The following PDE4D variants were observed in gnomAD, a reference collection of about 807,000 sequenced individuals.
PDE4D encodes the protein 3',5'-cyclic-AMP phosphodiesterase 4D.
A neutral mutation model predicts 87.4 loss-of-function variants in PDE4D; 24 were observed. That is an observed-to-expected ratio of 0.27 (90% CI 0.20 to 0.39). The LOEUF is 0.39. PDE4D is among the 10% of genes least tolerant of loss of function. The pLI is 1.00. For synonymous variants in PDE4D, 384 were observed against 383.2 expected, an observed-to-expected ratio of 1.00 and a Z score of -0.02; for missense variants, 714 against 1,041.0, an observed-to-expected ratio of 0.69 and a Z score of 4.32.
At chr5:60,154,211 T>A (rs957891814) in intron 2 of PDE4D, among the ~76,000 whole-genome samples, 8 of 152,236 alleles carry the variant, frequency 5.3e-5, no homozygotes, top group African/African-American at 1.9e-4. Context: ...TGCATTTATA[T>A]GTATCACATG....
At chr5:59,944,436 C>T (rs1757518369) in intron 3 of PDE4D, among the ~76,000 whole-genome samples, 1 of 151,998 alleles carries the variant, frequency 6.6e-6, no homozygotes, top group African/African-American at 2.4e-5. Flanking sequence ...GCAGTGGCGC[C>T]ATCTCGGCTA....
At chr5:59,499,928 G>A (rs1329732589) in intron 1 of PDE4D, among the ~76,000 whole-genome samples, 1 of 150,546 alleles carries the variant, frequency 6.6e-6, no homozygotes, top group African/African-American at 2.4e-5. Context: ...TTCAAAACCA[G>A]TATCTTTCTG....
intron 6 of PDE4D, among the ~76,000 whole-genome samples, chr5:59,011,495 G>A (rs1005101281): frequency 2.0e-5 from 3 of 152,320 alleles, no homozygotes; most frequent in Non-Finnish European, 4.4e-5. Flanking sequence ...ACTACATGAT[G>A]CATTCACAAG....
chr5:59,950,075 C>G (rs769305316), intron 3 of PDE4D, among the ~76,000 whole-genome samples: 5 of 152,176 alleles, frequency 3.3e-5, no homozygotes, highest in East Asian at 1.9e-4. Flanking sequence ...CAGAACTGGT[C>G]TGATGGTATC....
intron 3 of PDE4D, among the ~76,000 whole-genome samples, chr5:59,944,865 C>T (rs1757572944): frequency 6.6e-6 from 1 of 152,092 alleles, no homozygotes; most frequent in Admixed American, 6.6e-5. Flanking sequence ...TTCCTCCTTC[C>T]CTCCATCTTA....
chr5:60,382,154 G>C (rs1484190743), intron 1 of PDE4D, among the ~76,000 whole-genome samples: 1 of 151,946 alleles, frequency 6.6e-6, no homozygotes, highest in Admixed American at 6.6e-5. Flanking sequence ...AAAATATTCA[G>C]ATGTAATTAT....
intron 1 of PDE4D, among the ~76,000 whole-genome samples, chr5:59,317,532 T>TA (rs1162360246): frequency 6.6e-6 from 1 of 152,068 alleles, no homozygotes; most frequent in Non-Finnish European, 1.5e-5. Flanking sequence ...ACAGGCATAA[T>TA]AAACTAACAA....
intron 1 of PDE4D, among the ~76,000 whole-genome samples, chr5:59,312,988 G>A (rs1251608093): frequency 1.3e-5 from 2 of 152,096 alleles, no homozygotes; most frequent in East Asian, 3.9e-4. Flanking sequence ...ATAAGCTGGA[G>A]ATAAGTCCCA....
chr5:60,190,762 A>G (rs1399983272), intron 1 of PDE4D, among the ~76,000 whole-genome samples: 1 of 152,220 alleles, frequency 6.6e-6, no homozygotes, highest in Admixed American at 6.5e-5. Context: ...TAGTCTTCCC[A>G]GCACAGTTTA....
chr5:59,626,891 A>T (rs1830963697), intron 1 of PDE4D, among the ~76,000 whole-genome samples: 1 of 152,224 alleles, frequency 6.6e-6, no homozygotes, highest in East Asian at 1.9e-4. Flanking sequence ...AAGATCTTTA[A>T]TTTCTGTCTT....
intron 1 of PDE4D, among the ~76,000 whole-genome samples, chr5:59,528,271 A>C (rs1268281168): frequency 6.6e-6 from 1 of 152,196 alleles, no homozygotes; most frequent in Non-Finnish European, 1.5e-5. Flanking sequence ...AATCTTTATT[A>C]TGGAAAAGGG....
intron 1 of PDE4D, among the ~76,000 whole-genome samples, chr5:59,864,188 C>G (rs1746686697): frequency 6.6e-6 from 1 of 152,108 alleles, no homozygotes; most frequent in Non-Finnish European, 1.5e-5. Context: ...TTAGATGAAA[C>G]CCTTGGAGTC....
chr5:60,001,031 A>G (rs1018360860), intron 2 of PDE4D, among the ~76,000 whole-genome samples: 1 of 152,144 alleles, frequency 6.6e-6, no homozygotes. Context: ...CCAGAGATGT[A>G]TGCCCATCCA....
intron 3 of PDE4D, among the ~76,000 whole-genome samples, chr5:59,965,204 T>G (rs1759909722): frequency 6.6e-6 from 1 of 152,034 alleles, no homozygotes; most frequent in South Asian, 2.1e-4. Context: ...CAACATCAAT[T>G]TTTCCCTCTC....
At chr5:59,232,379 G>A (rs936607336) in intron 1 of PDE4D, among the ~76,000 whole-genome samples, 1 of 151,858 alleles carries the variant, frequency 6.6e-6, no homozygotes, top group African/African-American at 2.4e-5. Context: ...AGGACATGAA[G>A]ACATTTCTCA....
intron 1 of PDE4D, among the ~76,000 whole-genome samples, chr5:59,567,688 T>G (rs2153694343): frequency 6.6e-6 from 1 of 152,306 alleles, no homozygotes; most frequent in East Asian, 1.9e-4. Flanking sequence ...TTTATGTATT[T>G]CAACTTCAGT....
intron 1 of PDE4D, among the ~76,000 whole-genome samples, chr5:59,457,710 G>A (rs186869576): frequency 6.6e-6 from 1 of 151,992 alleles, no homozygotes; most frequent in African/African-American, 2.4e-5. Context: ...GGCCAACATG[G>A]TGAAACCCCA....
At chr5:59,214,635 G>T (rs1423910672) in intron 2 of PDE4D, among the ~76,000 whole-genome samples, 1 of 152,128 alleles carries the variant, frequency 6.6e-6, no homozygotes, top group African/African-American at 2.4e-5. Context: ...CTCATTATGT[G>T]TGAATGAATA....
intron 1 of PDE4D, among the ~76,000 whole-genome samples, chr5:60,252,940 T>C (rs1027291549): frequency 4.6e-5 from 7 of 152,046 alleles, no homozygotes; most frequent in Middle Eastern, 3.4e-3. Flanking sequence ...TTGACTAGAA[T>C]GTTGAACAAA....
Sources: gnomAD v4.1 joint callset for allele counts (sites outside exome capture counted in the v4.1 genomes callset) on GRCh38, gnomAD v4.1.1 for gene constraint, MANE v1.5 for transcripts, NCBI Gene and HGNC (gene_info 2026-07-23, HGNC 2026-07-21) for gene names.